Variants in COL4A4 observed in about 807,000 individuals in gnomAD.
COL4A4 encodes the protein collagen alpha-4(IV) chain.
Under a neutral mutation model 192.9 loss-of-function variants are expected in COL4A4, and 105 were observed. The observed-to-expected ratio is 0.54, with a 90% CI of 0.46 to 0.64. The LOEUF (loss-of-function observed/expected upper bound fraction) is 0.64, where lower values mean the gene tolerates loss of function less well. Ranked by LOEUF, COL4A4 falls within the 30% of genes least tolerant of loss-of-function variation. The pLI, the probability that COL4A4 is intolerant of heterozygous loss-of-function variation, is 0.00. For synonymous variants in COL4A4, 762 were observed against 769.9 expected (o/e 0.99, Z 0.17); for missense variants, 1,967 against 2,169.3 (o/e 0.91, Z 1.85).
intron 8 of COL4A4, among the ~76,000 whole-genome samples, chr2:227,113,632 C>T (rs549780656): frequency 6.6e-6 from 1 of 152,322 alleles, no homozygotes; most frequent in African/African-American, 2.4e-5. Flanking sequence ...CCTTCCAATA[C>T]ACCATCCTGG....
chr2:227,042,240 G>A lies in COL4A4; in HGVS notation c.3413C>T (p.Pro1138Leu). The A allele has an allele frequency of 1.2e-6, 2 of 1,612,194 alleles. No homozygotes were observed. The highest frequency in any genetic ancestry group is 1.3e-5 in the African/African-American group (1 of 75,012). ...PPGCPGDHGM[P>L]GLRGQPGEMG... Reference sequence around the variant, plus strand: ...TTCTCCTGGCTGTCCCCTCAGCCCAGGCATCCCGTGATCACCTGAGGATGA... The same window carrying A: ...TTCTCCTGGCTGTCCCCTCAGCCCAAGCATCCCGTGATCACCTGAGGATGA... The change falls in exon 37 of 48, where the codon CCT (proline) becomes CTT (leucine). Residue 1138 changes from proline (P) to leucine (L), a missense_variant. Physicochemically the swap from Pro to Leu is moderately conservative, Grantham distance 98. Coordinates refer to ENST00000396625, the MANE Select transcript of COL4A4 (RefSeq NM_000092.5).
chr2:227,094,419 T>C, intron 19 of COL4A4, 130 bp from the exon 20 acceptor site: 1 of 838,776 alleles, frequency 1.2e-6, no homozygotes, highest in Non-Finnish European at 1.9e-6. Context: ...GAGCTGGAGG[T>C]CATTATGCTA....
intron 3 of COL4A4, among the ~76,000 whole-genome samples, chr2:227,143,730 A>G (rs2063369803): frequency 6.6e-6 from 1 of 152,210 alleles, no homozygotes; most frequent in Admixed American, 6.5e-5. Flanking sequence ...ATTTCAGGTG[A>G]TACTCTCAAA....
intron 42 of COL4A4, among the ~76,000 whole-genome samples, chr2:227,026,290 G>A (rs1253192661): frequency 6.6e-6 from 1 of 152,142 alleles, no homozygotes; most frequent in African/African-American, 2.4e-5. Flanking sequence ...GAGGTCAGGA[G>A]ATCGAGACCA....
In COL4A4 at chr2:227,147,396, A is replaced by C; in HGVS notation, c.71+17T>G. The C allele has an allele frequency of 6.2e-7, 1 of 1,609,752 alleles. No individual in the cohort carries two copies. The highest frequency in any genetic ancestry group is 8.5e-7 in the Non-Finnish European group (1 of 1,176,184). ...AATTACTAAATAAAAGCAGGCAATC[A>C]CACTGAGGATACTCACCAGGGACCT... On this transcript the variant is annotated intron_variant, in intron 2 of 47. Transcript: ENST00000396625.
At chr2:227,068,682 ACT>A (rs1474003933) in intron 25 of COL4A4, among the ~76,000 whole-genome samples, 1 of 151,520 alleles carries the variant, frequency 6.6e-6, no homozygotes, top group African/African-American at 2.4e-5. Context: ...CATGCTAAAA[ACT>A]CTCAATAAAT....
At chr2:227,022,650 A>G (rs1966252892) in intron 43 of COL4A4, 2 of 474,368 alleles carry the variant, frequency 4.2e-6, no homozygotes, top group Non-Finnish European at 8.7e-6. Flanking sequence ...TCACTAACAT[A>G]GAATTTCAGG....
chr2:227,147,463 T>C lies in COL4A4; in HGVS notation c.21A>G (p.Val7=), dbSNP rs1237396954. The part of the protein sequence containing the change: MWSLHI[V]LMRCSFRLTK... Reference sequence around the variant, plus strand: ...TCAATCTGAAGGAGCACCTCATTAGTACTATGTGCAGAGACCACATCGCAG... The same window carrying C: ...TCAATCTGAAGGAGCACCTCATTAGCACTATGTGCAGAGACCACATCGCAG... Residue 7 remains valine (V), a synonymous_variant, in exon 2 of 48, where the codon GTA becomes GTG. Transcript: ENST00000396625. The C allele has an allele frequency of 3.7e-6, 6 of 1,613,802 alleles. No homozygotes were observed. The East Asian group carries it at 1.1e-4, about 30-fold the overall frequency.
rs1394293611 is a variant in COL4A4, at chr2:227,007,148, G to A, written c.*177C>T. The A allele has an allele frequency of 1.2e-6, 1 of 855,454 alleles. No homozygotes were observed. The highest frequency in any genetic ancestry group is 2.0e-6 in the Non-Finnish European group (1 of 511,688). 53.0% of individuals were successfully genotyped at this position (855,454 alleles called of 1,614,324 possible). On this transcript the variant is annotated 3_prime_UTR_variant, in exon 48 of 48. Coordinates refer to ENST00000396625, the MANE Select transcript of COL4A4 (RefSeq NM_000092.5). ...GGGAGGTCCAAACAAATCCATCTGT[G>A]CAGCATTTGCTTAATGTGTAAGGAA...
intron 29 of COL4A4, 126 bp from the exon 30 acceptor site, chr2:227,056,241 TAACAGTAGC>T: frequency 1.2e-6 from 1 of 804,362 alleles, no homozygotes; most frequent in Non-Finnish European, 2.1e-6. Flanking sequence ...TTGGCTAAAA[TAACAGTAGC>T]AACTTTCCAT....
rs756353061 is a variant in COL4A4 at position 227,032,168 on chromosome 2, T to C, written c.3686A>G (p.Lys1229Arg). ...CTTACCTGGGGGTCCTGGGGGACCT[T>C]TCTTTCCACGAGGACCTGGAGGAGA... ...GISPPGPRGK[K>R]GPPGPPGSSG... The change falls in exon 39 of 48, where the codon AAA (lysine) becomes AGA (arginine). Residue 1229 changes from lysine to arginine, a missense_variant. Coordinates refer to ENST00000396625, the MANE Select transcript of COL4A4 (RefSeq NM_000092.5). 6.2e-7 allele frequency: 1 copy of C among 1,614,190 alleles called. No homozygotes were observed. The highest frequency in any genetic ancestry group is 1.3e-5 in the African/African-American group (1 of 75,054).
chr2:227,043,839 C>T (rs949857264), intron 35 of COL4A4, among the ~76,000 whole-genome samples: 6 of 152,120 alleles, frequency 3.9e-5, no homozygotes, highest in Admixed American at 6.5e-5. Context: ...AATAACATTT[C>T]GCAGCCAAGA....
chr2:227,134,347 A>G lies in COL4A4; in HGVS notation c.192+5814T>C, dbSNP rs561288177. Reference sequence around the variant, plus strand: ...CAGAGAGTTCTTGGAGGAGGAAGATATAGCAAGAAGAACAAAAAAGCAAAC... The same window carrying G: ...CAGAGAGTTCTTGGAGGAGGAAGATGTAGCAAGAAGAACAAAAAAGCAAAC... On this transcript the variant is annotated intron_variant, in intron 4 of 47. Coordinates refer to ENST00000396625, the MANE Select transcript of COL4A4 (RefSeq NM_000092.5). Among the ~76,000 whole-genome samples the G allele has an allele frequency of 4.9e-4, 74 of 152,348 alleles. 1 individual carries two copies. The highest frequency in any genetic ancestry group is 1.7e-3 in the African/African-American group (71 of 41,578).
At chr2:227,065,583 G>A (rs1294812151) in intron 25 of COL4A4, among the ~76,000 whole-genome samples, 3 of 152,148 alleles carry the variant, frequency 2.0e-5, no homozygotes, top group Non-Finnish European at 4.4e-5. Flanking sequence ...TGACCCCCGA[G>A]CAGCCTAACT....
chr2:227,104,395 C>T, intron 12 of COL4A4, among the ~76,000 whole-genome samples: 1 of 132,636 alleles, frequency 7.5e-6, no homozygotes. Context: ...ACGGTGAAAC[C>T]CCGTCTCTAC....
chr2:226,974,190 A>C, the COL4A4 span, among the ~76,000 whole-genome samples: 2 of 152,048 alleles, frequency 1.3e-5, no homozygotes, highest in Non-Finnish European at 2.9e-5. Flanking sequence ...CTGAAGAGGG[A>C]CTTGAGCCCA....
intron 19 of COL4A4, among the ~76,000 whole-genome samples, chr2:227,095,132 T>C (rs549463856): frequency 6.6e-6 from 1 of 152,362 alleles, no homozygotes; most frequent in South Asian, 2.1e-4. Context: ...TTTAGGATTA[T>C]TGGGGAAGAA....
intron 33 of COL4A4, 114 bp downstream of exon 33, chr2:227,050,862 TA>T: frequency 3.2e-6 from 4 of 1,251,432 alleles, no homozygotes; most frequent in Non-Finnish European, 4.7e-6. Flanking sequence ...CCTTACATTC[TA>T]AAAGCCAGTG....
intron 21 of COL4A4, among the ~76,000 whole-genome samples, 178 bp from the exon 22 acceptor site, chr2:227,088,994 T>C (rs867326263): frequency 9.2e-5 from 14 of 152,104 alleles, no homozygotes; most frequent in Non-Finnish European, 1.5e-5. Context: ...CTACATGGGG[T>C]GCCTAGGCAT....
Sources: gnomAD v4.1 joint callset for allele counts (sites outside exome capture counted in the v4.1 genomes callset) on GRCh38, gnomAD v4.1.1 for gene constraint, MANE v1.5 for transcripts, NCBI Gene and HGNC (gene_info 2026-07-23, HGNC 2026-07-21) for gene names.